Variants in KNDC1 observed in about 807,000 individuals in gnomAD.
KNDC1 encodes kinase non-catalytic C-lobe domain containing 1, also known as kinase non-catalytic C-lobe domain-containing protein 1.
A neutral mutation model predicts 172.8 loss-of-function variants in KNDC1; 106 were observed. That is an observed-to-expected ratio of 0.61 (90% CI 0.52 to 0.72). The LOEUF (loss-of-function observed/expected upper bound fraction) is 0.72. Ranked by LOEUF, KNDC1 falls within the 30% of genes least tolerant of loss-of-function variation. KNDC1 has a pLI of 0.00. For missense variants in KNDC1, 2,325 were observed against 2,394.5 expected, an observed-to-expected ratio of 0.97 and a Z score of 0.61; for synonymous variants, 1,083 against 1,062.2, an observed-to-expected ratio of 1.02 and a Z score of -0.38.
Position 133,189,778 on chromosome 10 carries a change from C to G in KNDC1, c.1540C>G (p.Pro514Ala). 6.2e-7 allele frequency: 1 copy of G among 1,614,090 alleles called. No homozygotes were observed. Among genetic ancestry groups the G allele is most frequent in the Non-Finnish European group, 8.5e-7 (1 of 1,180,018 alleles). ...TTCCTATGACTCGTTCTTTCTGGCT[C>G]CCGAGCTGGCAGAGGAGAGGCTGGT... ...NGSYDSFFLA[P>A]ELAEERLVTE... The change falls in exon 9 of 30, where the codon CCC becomes GCC. Residue 514 changes from proline (P) to alanine (A), a missense_variant. Coordinates refer to ENST00000304613, the MANE Select transcript of KNDC1 (RefSeq NM_152643.8).
chr10:133,196,162 T>G (rs891629077), intron 10 of KNDC1, among the ~76,000 whole-genome samples: 2 of 152,168 alleles, frequency 1.3e-5, no homozygotes, highest in Non-Finnish European at 2.9e-5. Flanking sequence ...ACCCCTGCTC[T>G]TAGGCCCTGC....
At chr10:133,219,838 C>A (rs997730184) in intron 28 of KNDC1, 117 bp from the exon 29 acceptor site, 9 of 1,004,348 alleles carry the variant, frequency 9.0e-6, no homozygotes, top group Non-Finnish European at 1.3e-5. Flanking sequence ...GGGTAGACCC[C>A]GTGCGTGGAG....
In KNDC1 at chr10:133,198,641, TGAG is replaced by T. The variant is rs1368387137; in HGVS notation, c.2137_2139del (p.Glu713del). ...GGGGCGGCCAGAGGGAGGGAGAAGG[TGAG>T]GAGAAGCTCTCCCTGGAGGCCCACG... On this transcript the variant is annotated inframe_deletion, in exon 14 of 30. Transcript: ENST00000304613. 1.9e-6 allele frequency: 3 copies of T among 1,605,636 alleles called. No homozygotes were observed. The highest frequency in any genetic ancestry group is 1.3e-5 in the African/African-American group (1 of 74,926).
At position 133,199,608 on chromosome 10, in the gene KNDC1, T is replaced by C; in HGVS notation, c.2903+6T>C. ...CAGGCGTCACCCTCCCCAAGGTGGGTGCCCAGTTCGGCCCTGCATTCCCGC... is the reference window on the plus strand; with the variant it reads ...CAGGCGTCACCCTCCCCAAGGTGGGCGCCCAGTTCGGCCCTGCATTCCCGC... On this transcript the variant is annotated splice_donor_region_variant and intron_variant, in intron 15 of 29. Transcript: ENST00000304613. 6.2e-7 allele frequency: 1 copy of C among 1,612,660 alleles called. No individual in the cohort carries two copies. Among genetic ancestry groups the C allele is most frequent in the South Asian group, 1.1e-5 (1 of 91,016 alleles).
chr10:133,201,897 C>T lies in KNDC1; in HGVS notation c.3386C>T (p.Pro1129Leu), dbSNP rs1238470315. 4.8e-6 allele frequency: 7 copies of T among 1,472,582 alleles called. No homozygotes were observed. Among genetic ancestry groups the T allele is most frequent in the African/African-American group, 2.8e-5 (2 of 70,566 alleles). The allele number at this position is 1,472,582 out of a possible 1,614,324, so 91.2% of individuals were successfully genotyped here. The change falls in exon 17 of 30, where the codon CCG becomes CTG. Residue 1129 changes from proline to leucine, a missense_variant and splice_region_variant. Physicochemically the swap from Pro to Leu is moderately conservative, Grantham distance 98. Transcript: ENST00000304613. ...GGGGCCCTGCCCGACGCCCAGAGCC[C>T]GGTGAGTCCCAGGCCTTGGCACTGC... ...ADGALPDAQS[P>L]ELEQQLMMEK...
rs761678373 is a variant in KNDC1, at chr10:133,211,764, G to T, written c.4142G>T (p.Gly1381Val). ...MDRRAEGNPR[G>V]TDLENPREAE... ...CGGCGGGCCGAGGGCAACCCTCGCG[G>T]CACAGACCTGGAGAACCCCAGGGAG... The change falls in exon 23 of 30, where the codon GGC (glycine) becomes GTC (valine). Residue 1381 changes from glycine to valine, a missense_variant. By Grantham distance (109) the Gly-to-Val change is moderately radical. Transcript: ENST00000304613. The T allele has an allele frequency of 6.2e-7, 1 of 1,610,314 alleles. No individual in the cohort carries two copies. The highest frequency in any genetic ancestry group is 1.7e-5 in the Admixed American group (1 of 59,354).
rs1845452131 is a variant in KNDC1 at position 133,215,419 on chromosome 10, G to A, written c.4677+1297G>A. On this transcript the variant is annotated intron_variant, in intron 26 of 29. Coordinates refer to ENST00000304613, the MANE Select transcript of KNDC1 (RefSeq NM_152643.8). The stretch of plus-strand genomic sequence containing the variant: ...GGCCGTAAACGAAGGCAGAGGCACC[G>A]CCTTCTCTCCTCCCTTGGGGAGAAC... Among the ~76,000 whole-genome samples the A allele has an allele frequency of 3.3e-5, 5 of 152,238 alleles. No individual in the cohort carries two copies. The South Asian group carries it at 1.0e-3, about 31-fold the overall frequency.
intron 17 of KNDC1, chr10:133,202,483 A>G (rs911214270): frequency 2.0e-5 from 8 of 398,060 alleles, no homozygotes; most frequent in Non-Finnish European, 4.0e-5. Context: ...AGGTGGGACC[A>G]GTGACCCACA....
intron 3 of KNDC1, among the ~76,000 whole-genome samples, chr10:133,180,935 C>T (rs762363483): frequency 5.3e-5 from 8 of 152,254 alleles, no homozygotes; most frequent in Non-Finnish European, 8.8e-5. Flanking sequence ...AGACTGGCTG[C>T]GGCTGGTGAG....
chr10:133,183,769 C>T, intron 4 of KNDC1, 103 bp from the exon 5 acceptor site: 1 of 965,996 alleles, frequency 1.0e-6, no homozygotes, highest in African/African-American at 1.6e-5. Flanking sequence ...GCTCTGGGGA[C>T]TGTCCCCAGG....
intron 4 of KNDC1, 60 bp downstream of exon 4, chr10:133,183,550 C>A: frequency 6.6e-7 from 1 of 1,507,070 alleles, no homozygotes. Context: ...GGCCTGGACA[C>A]CGTGTGCTCA....
chr10:133,170,239 G>A (rs560179034), intron 3 of KNDC1, among the ~76,000 whole-genome samples: 2 of 152,350 alleles, frequency 1.3e-5, no homozygotes, highest in East Asian at 3.9e-4. Flanking sequence ...AGGAGGAAGT[G>A]TGGCTCGTGG....
chr10:133,191,925 G>A (rs1328118804), intron 9 of KNDC1, among the ~76,000 whole-genome samples: 1 of 152,192 alleles, frequency 6.6e-6, no homozygotes, highest in Non-Finnish European at 1.5e-5. Flanking sequence ...CAAAGAAAGT[G>A]AGCAGGAGCC....
chr10:133,206,827 G>A lies in KNDC1; in HGVS notation c.3482-29G>A, dbSNP rs769939373. 2.2e-5 allele frequency: 36 copies of A among 1,613,024 alleles called. No homozygotes were observed. The East Asian group carries it at 3.3e-4, about 15-fold the overall frequency. ...CCGAGACCCTGGCTGCAGGCAGCCC[G>A]GCCCCCACCCACTCTGCTCCACCCA... On this transcript the variant is annotated intron_variant, in intron 18 of 29. Coordinates refer to ENST00000304613, the MANE Select transcript of KNDC1 (RefSeq NM_152643.8).
chr10:133,177,167 G>A lies in KNDC1; in HGVS notation c.361-6177G>A, dbSNP rs568286306. 5.0e-5 allele frequency among the ~76,000 whole-genome samples: 6 copies of A among 119,124 alleles called. No homozygotes were observed. In the South Asian group the frequency reaches 2.1e-3, roughly 41 times the overall value. 78.1% of individuals were successfully genotyped at this position (119,124 alleles called of 152,430 possible). A position where few individuals can be genotyped will look rare whatever the true frequency, so the allele number is the denominator to read the frequency against. On this transcript the variant is annotated intron_variant, in intron 3 of 29. Coordinates refer to ENST00000304613, the MANE Select transcript of KNDC1 (RefSeq NM_152643.8). ...TGTGTGTCTGTGTCTCTGTGCACATGTATACAGTATAGTGTGTCATGTGCA... is the reference window on the plus strand; with the variant it reads ...TGTGTGTCTGTGTCTCTGTGCACATATATACAGTATAGTGTGTCATGTGCA...
At chr10:133,222,163 G>C (rs1460923336) in intron 29 of KNDC1, among the ~76,000 whole-genome samples, 2 of 149,856 alleles carry the variant, frequency 1.3e-5, no homozygotes, top group Non-Finnish European at 3.0e-5. Context: ...GGCGCCTGTA[G>C]TCCCAGCTAC....
intron 9 of KNDC1, among the ~76,000 whole-genome samples, chr10:133,190,335 TAAACACCCTGCACTAAGCACCCTGCA>T (rs1213600138): frequency 7.2e-5 from 4 of 55,212 alleles, no homozygotes; most frequent in African/African-American, 1.7e-4. Flanking sequence ...CACCCTGCAC[TAAACACCCTGCACTAAGCACCCTGCA>T]CTAAACAAAC....
chr10:133,220,868 G>GCC (rs1201619979), intron 29 of KNDC1, among the ~76,000 whole-genome samples: 1 of 152,020 alleles, frequency 6.6e-6, no homozygotes, highest in Non-Finnish European at 1.5e-5. Context: ...GGCTCAGATG[G>GCC]GCGCATGCCC....
rs1845312287 is a variant in KNDC1, at chr10:133,209,556, T to C, written c.3795-1055T>C. Among the ~76,000 whole-genome samples, 1 of 151,512 alleles carries C rather than the reference T, an allele frequency of 6.6e-6. No individual in the cohort carries two copies. The highest frequency in any genetic ancestry group is 2.4e-5 in the African/African-American group (1 of 41,170). ...GTGGTGTGCGCGTCTGGTTGTCGAGTTCTGTGTGGCTTTGTCCACGTGTGT... is the reference window on the plus strand; with the variant it reads ...GTGGTGTGCGCGTCTGGTTGTCGAGCTCTGTGTGGCTTTGTCCACGTGTGT... On this transcript the variant is annotated intron_variant, in intron 20 of 29. Coordinates refer to ENST00000304613, the MANE Select transcript of KNDC1 (RefSeq NM_152643.8). The surrounding 1 kb of genome is among the most constrained non-coding windows in gnomAD (Gnocchi z 4.9).
Sources: gnomAD v4.1 joint callset for allele counts (sites outside exome capture counted in the v4.1 genomes callset) on GRCh38, gnomAD v4.1.1 for gene constraint, Gnocchi (gnomAD v3.1) non-coding constraint, MANE v1.5 for transcripts, NCBI Gene and HGNC (gene_info 2026-07-23, HGNC 2026-07-21) for gene names.